Variants in WAC observed in about 807,000 individuals in gnomAD.
The protein encoded by WAC is WW domain containing adaptor with coiled-coil.
Under a neutral mutation model 79.6 loss-of-function variants are expected in WAC, and 11 were observed. The ratio of observed to expected loss-of-function variants is 0.14; its 90% CI spans 0.09 to 0.23. The LOEUF (loss-of-function observed/expected upper bound fraction) is 0.23, where lower values mean the gene tolerates loss of function less well. WAC is among the 10% of genes least tolerant of loss of function. The probability of loss-of-function intolerance (pLI) is 1.00; values close to 1 mark genes in which losing one functional copy is unlikely to be tolerated. For synonymous variants in WAC, 304 were observed against 276.9 expected, an observed-to-expected ratio of 1.10 and a Z score of -0.97; for missense variants, 728 against 773.5, an observed-to-expected ratio of 0.94 and a Z score of 0.70.
intron 3 of WAC, among the ~76,000 whole-genome samples, chr10:28,549,922 T>C (rs1003797736): frequency 6.6e-6 from 1 of 152,088 alleles, no homozygotes; most frequent in African/African-American, 2.4e-5. Context: ...CCCAGCAGTT[T>C]GAGGTCCCGA....
chr10:28,613,121 G>T (rs1841323104), intron 10 of WAC, among the ~76,000 whole-genome samples: 1 of 152,186 alleles, frequency 6.6e-6, no homozygotes, highest in African/African-American at 2.4e-5. Context: ...TTGAAAATTT[G>T]CTGGGGGAGG....
Position 28,535,050 on chromosome 10 carries a change from G to C in WAC, c.79-512G>C, listed in dbSNP as rs78704025. On this transcript the variant is annotated intron_variant, in intron 2 of 13. Transcript: ENST00000354911. The stretch of plus-strand genomic sequence containing the variant: ...TACCTTAAAATTGTTTCCCACACCT[G>C]GGAGAGTAAGGAAGTTAGGTCTGAA... Among the ~76,000 whole-genome samples the C allele has an allele frequency of 5.9e-3, 896 of 151,576 alleles. 9 individuals are homozygous for C. Among genetic ancestry groups the C allele is most frequent in the African/African-American group, 0.021 (859 of 41,326 alleles).
rs537965919 is a variant in WAC, at chr10:28,609,079, C to A, written c.1165+648C>A. On this transcript the variant is annotated intron_variant, in intron 8 of 13. Coordinates refer to ENST00000354911, the MANE Select transcript of WAC (RefSeq NM_016628.5). ...AACTATTCAGATTCACACGTTAATT[C>A]CTAAAAGCACTGCAAAATTTTCTGT... 2.1e-4 allele frequency among the ~76,000 whole-genome samples: 32 copies of A among 152,276 alleles called. 1 individual carries two copies. Among genetic ancestry groups the A allele is most frequent in the Admixed American group, 1.6e-3 (25 of 15,300 alleles).
intron 3 of WAC, among the ~76,000 whole-genome samples, chr10:28,582,690 A>G (rs560997601): frequency 2.6e-5 from 4 of 152,214 alleles, no homozygotes; most frequent in Non-Finnish European, 4.4e-5. Context: ...GTCATTCATC[A>G]AAGTGTTTTT....
At position 28,558,925 on chromosome 10, in the gene WAC, C is replaced by T. The variant is rs375017430; in HGVS notation, c.274+23168C>T. ...AAAATATCAGAAAATCCTAGAATGACGAATACGGGTAGTTCATTTGGTGCA... is the reference window on the plus strand; with the variant it reads ...AAAATATCAGAAAATCCTAGAATGATGAATACGGGTAGTTCATTTGGTGCA... On this transcript the variant is annotated intron_variant, in intron 3 of 13. Coordinates refer to ENST00000354911, the MANE Select transcript of WAC (RefSeq NM_016628.5). 5.3e-5 allele frequency among the ~76,000 whole-genome samples: 8 copies of T among 152,130 alleles called. No individual in the cohort carries two copies. In the East Asian group the frequency reaches 7.7e-4, roughly 15 times the overall value.
chr10:28,543,890 T>G (rs1837199186), intron 3 of WAC, among the ~76,000 whole-genome samples: 1 of 152,214 alleles, frequency 6.6e-6, no homozygotes, highest in Non-Finnish European at 1.5e-5. Context: ...TTGTTGCTGT[T>G]GTTGTACTTG....
chr10:28,543,129 T>C (rs1837153977), intron 3 of WAC, among the ~76,000 whole-genome samples: 3 of 152,256 alleles, frequency 2.0e-5, no homozygotes, highest in African/African-American at 7.2e-5. Context: ...GGAGATACTA[T>C]AGTCAGTAAT....
At chr10:28,534,766 G>A (rs1032573688) in intron 2 of WAC, among the ~76,000 whole-genome samples, 2 of 152,220 alleles carry the variant, frequency 1.3e-5, no homozygotes, top group African/African-American at 4.8e-5. Flanking sequence ...GGACTAGAGA[G>A]CAGGTTTCTA....
chr10:28,549,506 C>G (rs148536686), intron 3 of WAC, among the ~76,000 whole-genome samples: 427 of 152,230 alleles, frequency 2.8e-3, no homozygotes, highest in African/African-American at 9.8e-3. Flanking sequence ...GTCCCTGATT[C>G]TTTTTTCCTG....
chr10:28,596,309 TAA>T (rs760180855), intron 7 of WAC, among the ~76,000 whole-genome samples: 3 of 152,226 alleles, frequency 2.0e-5, no homozygotes, highest in Non-Finnish European at 4.4e-5. Context: ...AGTAATTTGT[TAA>T]AGTCAAGTAA....
At chr10:28,578,612 A>T (rs988695305) in intron 3 of WAC, among the ~76,000 whole-genome samples, 1 of 152,036 alleles carries the variant, frequency 6.6e-6, no homozygotes, top group Non-Finnish European at 1.5e-5. Flanking sequence ...TCCCTTTTGT[A>T]AATGGAAGGG....
chr10:28,559,282 CT>C (rs1381405030), intron 3 of WAC, among the ~76,000 whole-genome samples: 1 of 151,946 alleles, frequency 6.6e-6, no homozygotes, highest in Non-Finnish European at 1.5e-5. Context: ...GTAGGAGTTG[CT>C]TTTTTATGTA....
intron 3 of WAC, among the ~76,000 whole-genome samples, chr10:28,573,048 G>C (rs1296642045): frequency 6.6e-6 from 1 of 152,056 alleles, no homozygotes; most frequent in Non-Finnish European, 1.5e-5. Flanking sequence ...CTGATTGCTA[G>C]TCTCACTAAA....
intron 9 of WAC, chr10:28,611,342 A>G (rs1564418846): frequency 7.7e-7 from 1 of 1,294,654 alleles, no homozygotes; most frequent in Admixed American, 2.3e-5. Flanking sequence ...CAGAAAGCTG[A>G]TAAACAGCAG....
At position 28,545,214 on chromosome 10, in the gene WAC, G is replaced by A. The variant is rs145592820; in HGVS notation, c.274+9457G>A. ...GCCTAGAAAACTGAATTTTTAGGCC[G>A]GGCACAGTGGGTCATGCACGTAATC... On this transcript the variant is annotated intron_variant, in intron 3 of 13. Coordinates refer to ENST00000354911, the MANE Select transcript of WAC (RefSeq NM_016628.5). Among the ~76,000 whole-genome samples the A allele has an allele frequency of 3.4e-4, 52 of 152,120 alleles. No homozygotes were observed. In the East Asian group the frequency reaches 9.5e-3, roughly 28 times the overall value.
At chr10:28,570,432 ACT>A (rs1223298084) in intron 3 of WAC, among the ~76,000 whole-genome samples, 1 of 152,146 alleles carries the variant, frequency 6.6e-6, no homozygotes, top group Non-Finnish European at 1.5e-5. Flanking sequence ...ATCTGCAGAC[ACT>A]CTCTGTATCC....
At chr10:28,585,679 C>A (rs1198843368) in intron 4 of WAC, among the ~76,000 whole-genome samples, 1 of 151,858 alleles carries the variant, frequency 6.6e-6, no homozygotes, top group Non-Finnish European at 1.5e-5. Context: ...CAGTCTATTA[C>A]TTTACAAAGT....
rs538595891 is a variant in WAC at position 28,602,014 on chromosome 10, G to A, written c.919+5973G>A. Among the ~76,000 whole-genome samples the A allele has an allele frequency of 3.9e-5, 6 of 152,302 alleles. No individual in the cohort carries two copies. The South Asian group carries it at 1.2e-3, about 32-fold the overall frequency. ...TACTTAAAGACACTGCATTATACTT[G>A]TAAAATGGTTAAAATAGTAAGTTTG... On this transcript the variant is annotated intron_variant, in intron 7 of 13. Coordinates refer to ENST00000354911, the MANE Select transcript of WAC (RefSeq NM_016628.5).
intron 7 of WAC, among the ~76,000 whole-genome samples, chr10:28,606,623 CAT>C (rs1840966974): frequency 6.6e-6 from 1 of 152,122 alleles, no homozygotes; most frequent in Non-Finnish European, 1.5e-5. Flanking sequence ...TAAAAAGACT[CAT>C]AGGGGAGTCT....
Sources: allele counts gnomAD v4.1 joint callset (sites outside exome capture counted in the v4.1 genomes callset), GRCh38; gene constraint gnomAD v4.1.1; transcripts MANE v1.5; gene names NCBI Gene and HGNC (gene_info 2026-07-23, HGNC 2026-07-21).